The following ZFP92 variants were observed in gnomAD, a reference collection of about 807,000 sequenced individuals.
ZFP92 encodes the protein zinc finger protein 92 homolog.
Under a neutral mutation model 7.6 loss-of-function variants are expected in ZFP92, and 2 were observed. That is an observed-to-expected ratio of 0.26 (90% CI 0.11 to 0.83). The LOEUF (loss-of-function observed/expected upper bound fraction) is 0.83, where lower values mean the gene tolerates loss of function less well. Ranked by LOEUF, ZFP92 falls within the 40% of genes least tolerant of loss-of-function variation. ZFP92 has a pLI of 0.65. For missense variants in ZFP92, 324 were observed against 408.3 expected, an observed-to-expected ratio of 0.79 and a Z score of 1.78; for synonymous variants, 226 against 183.6, an observed-to-expected ratio of 1.23 and a Z score of -1.87.
rs2089025179 is a variant in ZFP92 at position 153,423,901 on chromosome X, G to A, written c.*2273G>A. 8.8e-6 allele frequency: 1 copy of A among 113,548 alleles called. No individual in the cohort carries two copies. The highest frequency in any genetic ancestry group is 3.5e-4 in the South Asian group (1 of 2,831). 9.4% of individuals were successfully genotyped at this position (113,548 alleles called of 1,213,427 possible). A position where few individuals can be genotyped will look rare whatever the true frequency, so the allele number is the denominator to read the frequency against. ...CTGTGGCAGGAGGCCATGCAATTGG[G>A]CTCTAGTCTTGCTTCATTCAACTGA... On this transcript the variant is annotated 3_prime_UTR_variant, in exon 6 of 6. Coordinates refer to ENST00000338647, the MANE Select transcript of ZFP92 (RefSeq NM_001136273.2).
chrX:153,418,455 C>T, intron 3 of ZFP92, 100 bp downstream of exon 3: 4 of 1,066,470 alleles, frequency 3.8e-6, no homozygotes, highest in South Asian at 2.2e-5. Flanking sequence ...TTAGGCTGCC[C>T]TTAGCATCGT....
Position 153,421,482 on chromosome X carries a change from G to T in ZFP92, c.1105G>T (p.Val369Leu). Reference protein sequence around the residue: ...RRANLFKHQAVHGARRPAKAE... With the variant: ...RRANLFKHQALHGARRPAKAE... ...CGCCAACCTATTCAAGCACCAGGCAGTGCACGGCGCCAGGCGCCCTGCGAA... is the reference window on the plus strand; with the variant it reads ...CGCCAACCTATTCAAGCACCAGGCATTGCACGGCGCCAGGCGCCCTGCGAA... Residue 369 changes from valine to leucine, a missense_variant, in exon 6 of 6, where the codon GTG (valine) becomes TTG (leucine). Physicochemically the swap from Val to Leu is conservative, Grantham distance 32. Transcript: ENST00000338647. The T allele has an allele frequency of 2.6e-6, 3 of 1,147,843 alleles. No individual in the cohort carries two copies. Among genetic ancestry groups the T allele is most frequent in the Non-Finnish European group, 3.5e-6 (3 of 868,839 alleles). The allele number at this position is 1,147,843 out of a possible 1,213,427, so 94.6% of individuals were successfully genotyped here.
Position 153,422,758 on chromosome X carries a change from G to A in ZFP92, c.*1130G>A, listed in dbSNP as rs1205328235. The A allele has an allele frequency of 4.4e-5, 5 of 112,770 alleles. No individual in the cohort carries two copies. The highest frequency in any genetic ancestry group is 9.4e-5 in the Non-Finnish European group (5 of 53,345). 9.3% of individuals were successfully genotyped at this position (112,770 alleles called of 1,213,427 possible). A position where few individuals can be genotyped will look rare whatever the true frequency, so the allele number is the denominator to read the frequency against. ...CGTGACATTTTGTAGAATACTGGAC[G>A]TTCCGTTGCTTTGATTGTTTTTGTA... On this transcript the variant is annotated 3_prime_UTR_variant, in exon 6 of 6. Transcript: ENST00000338647.
At chrX:153,412,989 G>A (rs1199721294) in intron 2 of ZFP92, among the ~76,000 whole-genome samples, 4 of 111,363 alleles carry the variant, frequency 3.6e-5, no homozygotes, top group African/African-American at 9.8e-5. Context: ...GGCCCCGGTC[G>A]ACCCATGCAG....
chrX:153,421,622 C>T lies in ZFP92; in HGVS notation c.1245C>T (p.Arg415=). 1.0e-6 allele frequency: 1 copy of T among 984,793 alleles called. No individual in the cohort carries two copies. Among genetic ancestry groups the T allele is most frequent in the South Asian group, 3.2e-5 (1 of 30,921 alleles). 81.2% of individuals were successfully genotyped at this position (984,793 alleles called of 1,213,427 possible). A position where few individuals can be genotyped will look rare whatever the true frequency, so the allele number is the denominator to read the frequency against. ...CCGCCAGGCCTTCCAGGCCCAGCCG[C>T]CGCTGACTCCCCGCCAGCGCACCCA... is the stretch of plus-strand genomic sequence containing the variant. ...STAARPSRPS[R]R The change falls in exon 6 of 6, where the codon CGC becomes CGT. Residue 415 remains arginine (R), a synonymous_variant. Coordinates refer to ENST00000338647, the MANE Select transcript of ZFP92 (RefSeq NM_001136273.2).
Position 153,422,052 on chromosome X carries a change from G to A in ZFP92, c.*424G>A, listed in dbSNP as rs782104980. On this transcript the variant is annotated 3_prime_UTR_variant, in exon 6 of 6. Coordinates refer to ENST00000338647, the MANE Select transcript of ZFP92 (RefSeq NM_001136273.2). ...ATCAGAATCGCCTGCTGCGGGTAGGGAGGAGGCCACGTGAGGCCAGTGAGG... is the reference window on the plus strand; with the variant it reads ...ATCAGAATCGCCTGCTGCGGGTAGGAAGGAGGCCACGTGAGGCCAGTGAGG... The A allele has an allele frequency of 8.7e-6, 1 of 115,275 alleles. No individual in the cohort carries two copies. Among genetic ancestry groups the A allele is most frequent in the African/African-American group, 3.2e-5 (1 of 31,066 alleles). 9.5% of individuals were successfully genotyped at this position (115,275 alleles called of 1,213,427 possible).
In ZFP92 at chrX:153,425,520, T is replaced by G. The variant is rs2089036866; in HGVS notation, c.*3892T>G. The stretch of plus-strand genomic sequence containing the variant: ...TTTCCAAAACATGAAAGAATTATTC[T>G]AAGAATGACAAAGGGAAGTTAATAT... On this transcript the variant is annotated 3_prime_UTR_variant, in exon 6 of 6. Coordinates refer to ENST00000338647, the MANE Select transcript of ZFP92 (RefSeq NM_001136273.2). 1 of 111,864 alleles carries G rather than the reference T, an allele frequency of 8.9e-6. No homozygotes were observed. The highest frequency in any genetic ancestry group is 3.3e-5 in the African/African-American group (1 of 30,746). 9.2% of individuals were successfully genotyped at this position (111,864 alleles called of 1,213,427 possible). A position where few individuals can be genotyped will look rare whatever the true frequency, so the allele number is the denominator to read the frequency against.
At position 153,411,683 on chromosome X, in the gene ZFP92, T is replaced by C. The variant is rs1320541360; in HGVS notation, c.-88T>C. Reference sequence around the variant, plus strand: ...GGAGCAGGAAGGGAGGCCGACTCCCTCGGCTGCCCGCCGAGCCCAGGTAAG... The same window carrying C: ...GGAGCAGGAAGGGAGGCCGACTCCCCCGGCTGCCCGCCGAGCCCAGGTAAG... On this transcript the variant is annotated 5_prime_UTR_variant, in exon 1 of 6. Transcript: ENST00000338647. Among the ~76,000 whole-genome samples, 2 of 112,656 alleles carry C rather than the reference T, an allele frequency of 1.8e-5. No individual in the cohort carries two copies. The highest frequency in any genetic ancestry group is 3.8e-5 in the Non-Finnish European group (2 of 53,056).
chrX:153,418,285 GC>G lies in ZFP92; in HGVS notation c.-18-19del, dbSNP rs2088970669. The G allele has an allele frequency of 7.7e-6, 9 of 1,167,196 alleles. No individual in the cohort carries two copies. Among genetic ancestry groups the G allele is most frequent in the Non-Finnish European group, 1.0e-5 (9 of 872,567 alleles). The stretch of plus-strand genomic sequence containing the variant: ...CCAGGCTGCCCTGGGCTCACAGGGG[GC>G]TCTTTGCATTTCCCTTAGCTCCTCT... On this transcript the variant is annotated intron_variant, in intron 2 of 5. Transcript: ENST00000338647.
Position 153,418,281 on chromosome X carries a change from G to C in ZFP92, c.-18-24G>C, listed in dbSNP as rs1283329266. The C allele has an allele frequency of 3.5e-5, 41 of 1,165,026 alleles. No individual in the cohort carries two copies. In the Admixed American group the frequency reaches 1.1e-3, roughly 30 times the overall value. On this transcript the variant is annotated intron_variant, in intron 2 of 5. Coordinates refer to ENST00000338647, the MANE Select transcript of ZFP92 (RefSeq NM_001136273.2). ...TGCTCCAGGCTGCCCTGGGCTCACA[G>C]GGGGCTCTTTGCATTTCCCTTAGCT... is the stretch of plus-strand genomic sequence containing the variant.
At chrX:153,417,388 GCCT>G (rs1556973970) in intron 2 of ZFP92, among the ~76,000 whole-genome samples, 2 of 112,220 alleles carry the variant, frequency 1.8e-5, no homozygotes, top group Non-Finnish European at 3.8e-5. Flanking sequence ...CCAGCTCTCT[GCCT>G]GAATGTCACC....
Position 153,421,655 on chromosome X carries a change from G to A in ZFP92, c.*27G>A, listed in dbSNP as rs1336651484. The A allele has an allele frequency of 2.9e-5, 27 of 944,837 alleles. No individual in the cohort carries two copies. The Admixed American group carries it at 4.9e-4, about 17-fold the overall frequency. 77.9% of individuals were successfully genotyped at this position (944,837 alleles called of 1,213,427 possible). On this transcript the variant is annotated 3_prime_UTR_variant, in exon 6 of 6. Coordinates refer to ENST00000338647, the MANE Select transcript of ZFP92 (RefSeq NM_001136273.2). ...TCCCCGCCAGCGCACCCAGGGCGCG[G>A]CCGGTCTGCGTGGGGGGCCTTCCTG...
At chrX:153,411,817 G>T (rs2088909890) in intron 1 of ZFP92, among the ~76,000 whole-genome samples, 114 bp downstream of exon 1, 1 of 112,443 alleles carries the variant, frequency 8.9e-6, no homozygotes, top group African/African-American at 3.2e-5. Flanking sequence ...GACAAGCAGG[G>T]ACTCCCTGGG....
In ZFP92 at chrX:153,421,118, C is replaced by T; in HGVS notation, c.741C>T (p.Arg247=). 8.5e-7 allele frequency: 1 copy of T among 1,176,378 alleles called. No homozygotes were observed. The highest frequency in any genetic ancestry group is 1.1e-6 in the Non-Finnish European group (1 of 877,847). Residue 247 remains arginine (R), a synonymous_variant, in exon 6 of 6, where the codon CGC becomes CGT. Transcript: ENST00000338647. The part of the protein sequence containing the change: ...ACGDCGKLFR[R]SFALLEHARV... ...GCGACTGCGGCAAACTGTTCCGCCG[C>T]AGCTTCGCGCTCCTGGAGCACGCGC...
Position 153,421,692 on chromosome X carries a change from G to A in ZFP92, c.*64G>A, listed in dbSNP as rs1556975346. On this transcript the variant is annotated 3_prime_UTR_variant, in exon 6 of 6. Coordinates refer to ENST00000338647, the MANE Select transcript of ZFP92 (RefSeq NM_001136273.2). ...GGGGGGCCTTCCTGGGGACGTCGAGGCTCAGCCCCCTTCAGGTGGGAAGAC... is the reference window on the plus strand; with the variant it reads ...GGGGGGCCTTCCTGGGGACGTCGAGACTCAGCCCCCTTCAGGTGGGAAGAC... 2.2e-6 allele frequency: 2 copies of A among 917,246 alleles called. No homozygotes were observed. Among genetic ancestry groups the A allele is most frequent in the African/African-American group, 4.2e-5 (2 of 47,353 alleles). The allele number at this position is 917,246 out of a possible 1,213,427, so 75.6% of individuals were successfully genotyped here. A position where few individuals can be genotyped will look rare whatever the true frequency, so the allele number is the denominator to read the frequency against.
chrX:153,421,610 C>T lies in ZFP92; in HGVS notation c.1233C>T (p.Ser411=). The T allele has an allele frequency of 1.0e-6, 1 of 995,654 alleles. No individual in the cohort carries two copies. Among genetic ancestry groups the T allele is most frequent in the Non-Finnish European group, 1.3e-6 (1 of 792,708 alleles). 82.1% of individuals were successfully genotyped at this position (995,654 alleles called of 1,213,427 possible). ...GGCCGAGCACAGCCGCCAGGCCTTC[C>T]AGGCCCAGCCGCCGCTGACTCCCCG... is the stretch of plus-strand genomic sequence containing the variant. ...PPRPSTAARP[S]RPSRR The change falls in exon 6 of 6, where the codon TCC becomes TCT. Residue 411 remains serine (S), a synonymous_variant. Coordinates refer to ENST00000338647, the MANE Select transcript of ZFP92 (RefSeq NM_001136273.2).
At chrX:153,412,593 G>A (rs782548304) in intron 2 of ZFP92, among the ~76,000 whole-genome samples, 4 of 112,408 alleles carry the variant, frequency 3.6e-5, no homozygotes, top group South Asian at 7.4e-4. Context: ...ACCAAAACTT[G>A]AAGGTGGTAA....
Position 153,421,395 on chromosome X carries a change from C to T in ZFP92, c.1018C>T (p.Arg340Cys), listed in dbSNP as rs1556975131. Reference sequence around the variant, plus strand: ...CCGTTCGGGCCTCAGCCAGCACCGGCGCGTGCACAGCGGTGAGAAGCCCTA... The same window carrying T: ...CCGTTCGGGCCTCAGCCAGCACCGGTGCGTGCACAGCGGTGAGAAGCCCTA... ...RGRSGLSQHRRVHSGEKPYEC... is the reference protein window; with the variant it reads ...RGRSGLSQHRCVHSGEKPYEC... Residue 340 changes from arginine (R) to cysteine (C), a missense_variant, in exon 6 of 6, where the codon CGC (arginine) becomes TGC (cysteine). By Grantham distance (180) the Arg-to-Cys change is radical (BLOSUM62 -3). Coordinates refer to ENST00000338647, the MANE Select transcript of ZFP92 (RefSeq NM_001136273.2). 1 of 1,157,580 alleles carries T rather than the reference C, an allele frequency of 8.6e-7. No individual in the cohort carries two copies. Among genetic ancestry groups the T allele is most frequent in the Non-Finnish European group, 1.1e-6 (1 of 872,325 alleles).
rs2089042596 is a variant in ZFP92, at chrX:153,426,302, C to G, written c.*4674C>G. The G allele has an allele frequency of 9.0e-6, 1 of 111,091 alleles. No homozygotes were observed. The highest frequency in any genetic ancestry group is 3.3e-5 in the African/African-American group (1 of 30,476). The allele number at this position is 111,091 out of a possible 1,213,427, so 9.2% of individuals were successfully genotyped here. A position where few individuals can be genotyped will look rare whatever the true frequency, so the allele number is the denominator to read the frequency against. On this transcript the variant is annotated 3_prime_UTR_variant, in exon 6 of 6. Transcript: ENST00000338647. ...TGTATGTCTGGCCTCTTTCACTCAG[C>G]ACAATTCTTTTTTCATCAGGTGTTT...
Sources: allele counts gnomAD v4.1 joint callset (sites outside exome capture counted in the v4.1 genomes callset), GRCh38; gene constraint gnomAD v4.1.1; transcripts MANE v1.5; gene names NCBI Gene and HGNC (gene_info 2026-07-23, HGNC 2026-07-21).